FER: variants seen among roughly 807,000 people sequenced by gnomAD.
FER encodes the protein tyrosine-protein kinase Fer.
Under a neutral mutation model 111.0 loss-of-function variants are expected in FER, and 63 were observed. The ratio of observed to expected loss-of-function variants is 0.57; its 90% CI spans 0.46 to 0.70. The LOEUF (loss-of-function observed/expected upper bound fraction) is 0.70. FER is among the 30% of genes least tolerant of loss of function. The pLI, the probability that FER is intolerant of heterozygous loss-of-function variation, is 0.00. For synonymous variants in FER, 327 were observed against 313.9 expected (o/e 1.04, Z -0.44); for missense variants, 914 against 954.0 (o/e 0.96, Z 0.55).
intron 5 of FER, among the ~76,000 whole-genome samples, chr5:108,838,931 C>T (rs1298645778): frequency 1.3e-5 from 2 of 152,108 alleles, no homozygotes; most frequent in African/African-American, 4.8e-5. Context: ...TTGATTATTA[C>T]TTATAATGGA....
chr5:108,881,282 C>T (rs948674215), intron 8 of FER, among the ~76,000 whole-genome samples: 2 of 152,104 alleles, frequency 1.3e-5, no homozygotes, highest in Non-Finnish European at 2.9e-5. Context: ...GCTTGGGAGG[C>T]CTCACAATCA....
intron 2 of FER, among the ~76,000 whole-genome samples, chr5:108,789,288 C>G (rs1755087047): frequency 6.6e-6 from 1 of 151,960 alleles, no homozygotes; most frequent in Non-Finnish European, 1.5e-5. Context: ...AGAGGACTAG[C>G]AGAAGATAAA....
At chr5:108,835,004 T>C (rs1760464280) in intron 4 of FER, among the ~76,000 whole-genome samples, 1 of 152,144 alleles carries the variant, frequency 6.6e-6, no homozygotes, top group Non-Finnish European at 1.5e-5. Context: ...GGGACACATA[T>C]TTTTTCCTTA....
intron 13 of FER, among the ~76,000 whole-genome samples, chr5:109,009,044 CTTTTTTTT>C (rs1030906789): frequency 2.1e-4 from 24 of 115,996 alleles, no homozygotes; most frequent in African/African-American, 6.3e-4. Context: ...CCTCTTCAGT[CTTTTTTTT>C]TTTTTTTTTT....
At chr5:109,133,248 G>A (rs900240442) in intron 17 of FER, among the ~76,000 whole-genome samples, 1 of 152,080 alleles carries the variant, frequency 6.6e-6, no homozygotes, top group Non-Finnish European at 1.5e-5. Flanking sequence ...TCCTTTTAGA[G>A]GAGAGAAACA....
intron 1 of FER, among the ~76,000 whole-genome samples, chr5:108,761,153 C>A (rs1396920186): frequency 6.6e-6 from 1 of 152,138 alleles, no homozygotes; most frequent in Non-Finnish European, 1.5e-5. Flanking sequence ...TGGTCTCGAA[C>A]CCCTGGCCTC....
At chr5:109,130,374 T>C (rs141036833) in intron 17 of FER, among the ~76,000 whole-genome samples, 77 of 152,262 alleles carry the variant, frequency 5.1e-4, no homozygotes, top group African/African-American at 1.8e-3. Context: ...ATAACACTTA[T>C]TAAAGATGCC....
At chr5:109,035,532 T>C (rs1158186847) in intron 13 of FER, among the ~76,000 whole-genome samples, 1 of 152,212 alleles carries the variant, frequency 6.6e-6, no homozygotes, top group African/African-American at 2.4e-5. Context: ...TTATCAGTTT[T>C]CTTTTTGATG....
intron 13 of FER, among the ~76,000 whole-genome samples, chr5:109,030,129 G>C (rs1769390964): frequency 2.0e-5 from 3 of 151,698 alleles, no homozygotes; most frequent in African/African-American, 4.8e-5. Flanking sequence ...TTTAAAATTT[G>C]CTTTGTAATT....
intron 5 of FER, among the ~76,000 whole-genome samples, chr5:108,849,019 CCTTAT>C (rs143225870): frequency 0.092 from 13,906 of 151,940 alleles, 912 homozygotes; most frequent in African/African-American, 0.18. Context: ...CTGCTCTAAT[CCTTAT>C]CTTAGTTGCT....
At chr5:109,032,610 C>A (rs768266133) in intron 13 of FER, among the ~76,000 whole-genome samples, 3 of 152,182 alleles carry the variant, frequency 2.0e-5, no homozygotes, top group African/African-American at 7.2e-5. Context: ...CCCAGAAGGG[C>A]AGTTAATCCA....
chr5:108,785,207 C>G, intron 2 of FER: 1 of 602,818 alleles, frequency 1.7e-6, no homozygotes, highest in Non-Finnish European at 3.0e-6. Context: ...GACTATGTCT[C>G]CAAATGGATC....
chr5:108,798,465 A>C, intron 3 of FER, 76 bp downstream of exon 3: 1 of 1,087,072 alleles, frequency 9.2e-7, no homozygotes, highest in Non-Finnish European at 1.4e-6. Flanking sequence ...CAAACTATTG[A>C]ATGAGCATAC....
intron 5 of FER, among the ~76,000 whole-genome samples, chr5:108,847,380 A>G (rs974368552): frequency 6.6e-6 from 1 of 151,820 alleles, no homozygotes; most frequent in African/African-American, 2.4e-5. Context: ...GAATGTTTTT[A>G]TGACTTTATT....
At chr5:109,150,307 C>G (rs1754687078) in intron 17 of FER, among the ~76,000 whole-genome samples, 2 of 152,176 alleles carry the variant, frequency 1.3e-5, no homozygotes, top group Non-Finnish European at 2.9e-5. Flanking sequence ...GTATACCTCT[C>G]TTGCTCCATC....
chr5:109,086,364 G>T (rs1777567590), intron 16 of FER, among the ~76,000 whole-genome samples: 1 of 151,656 alleles, frequency 6.6e-6, no homozygotes, highest in East Asian at 1.9e-4. Flanking sequence ...GGCCTGTAAA[G>T]ATGTTTCATC....
intron 6 of FER, 23 bp from the exon 7 acceptor site, chr5:108,871,342 C>G: frequency 6.3e-7 from 1 of 1,594,860 alleles, no homozygotes; most frequent in Non-Finnish European, 8.5e-7. Context: ...TAAAATGCTG[C>G]AAAATTTTAT....
intron 13 of FER, among the ~76,000 whole-genome samples, chr5:108,993,628 C>T (rs997745220): frequency 1.8e-5 from 2 of 111,514 alleles, no homozygotes; most frequent in African/African-American, 7.0e-5. Context: ...AGGGCGAGGG[C>T]GAGGGTGAGG....
intron 17 of FER, among the ~76,000 whole-genome samples, chr5:109,136,786 C>G (rs193126949): frequency 3.0e-4 from 45 of 152,024 alleles, no homozygotes; most frequent in African/African-American, 1.1e-3. Context: ...TTCTATGAAT[C>G]AAAATCTTAT....
Sources: allele counts gnomAD v4.1 joint callset (sites outside exome capture counted in the v4.1 genomes callset), GRCh38; gene constraint gnomAD v4.1.1; transcripts MANE v1.5; gene names NCBI Gene and HGNC (gene_info 2026-07-23, HGNC 2026-07-21).